Variants in CRYM observed in about 807,000 individuals in gnomAD.
CRYM encodes crystallin mu, also known as ketimine reductase mu-crystallin.
In CRYM, 18 loss-of-function variants were observed where a neutral mutation model predicts 32.9. The ratio of observed to expected loss-of-function variants is 0.55; its 90% CI spans 0.38 to 0.81. CRYM has a LOEUF of 0.81. Ranked by LOEUF, CRYM falls within the 30% of genes least tolerant of loss-of-function variation. The pLI, the probability that CRYM is intolerant of heterozygous loss-of-function variation, is 0.00. For synonymous variants in CRYM, 153 were observed against 152.4 expected (o/e 1.00, Z -0.03); for missense variants, 337 against 393.5 (o/e 0.86, Z 1.21).
intron 1 of CRYM, among the ~76,000 whole-genome samples, chr16:21,287,368 A>T (rs1191423849): frequency 1.3e-5 from 2 of 152,230 alleles, no homozygotes; most frequent in African/African-American, 4.8e-5. Context: ...TTTGGTCTTC[A>T]TCCCTTGTTC....
In CRYM at chr16:21,277,377, G is replaced by C; in HGVS notation, c.324+54C>G. ...CCTGCTGCGGAGAACTTACTTTTGA[G>C]CTTCAATCTGGGCCCAGGGGCCCCA... On this transcript the variant is annotated intron_variant, in intron 2 of 7. Transcript: ENST00000572914. The surrounding 1 kb of genome is among the most constrained non-coding windows in gnomAD (Gnocchi z 4.2). 1.3e-6 allele frequency: 2 copies of C among 1,599,332 alleles called. No homozygotes were observed. Among genetic ancestry groups the C allele is most frequent in the Admixed American group, 1.7e-5 (1 of 59,878 alleles).
chr16:21,267,488 G>A lies in CRYM; in HGVS notation c.673+66C>T, dbSNP rs934155668. ...ATAAACTGGCTCTGCAAATGTAGTC[G>A]ACTGGTCCCGTCTAGAGAGGAGCCT... On this transcript the variant is annotated intron_variant, in intron 5 of 7. Coordinates refer to ENST00000572914, the MANE Select transcript of CRYM (RefSeq NM_001376256.1). The A allele has an allele frequency of 2.7e-5, 41 of 1,529,284 alleles. 1 individual carries two copies. The African/African-American group carries it at 2.9e-4, about 11-fold the overall frequency. 94.7% of individuals were successfully genotyped at this position (1,529,284 alleles called of 1,614,324 possible). A position where few individuals can be genotyped will look rare whatever the true frequency, so the allele number is the denominator to read the frequency against.
At chr16:21,290,234 C>T (rs1009114769) in intron 1 of CRYM, among the ~76,000 whole-genome samples, 11 of 152,194 alleles carry the variant, frequency 7.2e-5, no homozygotes, top group Non-Finnish European at 8.8e-5. Context: ...TTTGGGTCCA[C>T]ACTACCTTTG....
upstream of CRYM, chr16:21,278,384 A>AC (rs71379617): frequency 8.8e-7 from 1 of 1,134,324 alleles, no homozygotes; most frequent in African/African-American, 1.5e-5. Context: ...GGGCGGAGCA[A>AC]CCCCGCCCCG....
intron 1 of CRYM, among the ~76,000 whole-genome samples, chr16:21,286,135 T>C (rs541705563): frequency 6.6e-6 from 1 of 152,312 alleles, no homozygotes; most frequent in South Asian, 2.1e-4. Flanking sequence ...CTGTAGCTGA[T>C]TATAAACCAC....
intron 4 of CRYM, among the ~76,000 whole-genome samples, chr16:21,268,168 T>C (rs1213194210): frequency 6.6e-6 from 1 of 152,292 alleles, no homozygotes; most frequent in East Asian, 1.9e-4. Flanking sequence ...AAAATGGAAA[T>C]ATAACTGGCA....
chr16:21,275,651 GA>G (rs1428564522), intron 2 of CRYM, 57 bp from the exon 3 acceptor site: 5 of 1,379,966 alleles, frequency 3.6e-6, no homozygotes, highest in African/African-American at 2.9e-5. Context: ...GCATAAATTA[GA>G]AGAAACAGTT....
At chr16:21,281,604 C>T (rs1344716020), upstream of CRYM, among the ~76,000 whole-genome samples, 1 of 152,184 alleles carries the variant, frequency 6.6e-6, no homozygotes, top group Non-Finnish European at 1.5e-5. Flanking sequence ...CTTGTTCCAC[C>T]AGCCATAACT....
rs1187088504 is a variant in CRYM, at chr16:21,277,376, A to T, written c.324+55T>A. On this transcript the variant is annotated intron_variant, in intron 2 of 7. Coordinates refer to ENST00000572914, the MANE Select transcript of CRYM (RefSeq NM_001376256.1). The surrounding 1 kb of genome is among the most constrained non-coding windows in gnomAD (Gnocchi z 4.2). ...CCCTGCTGCGGAGAACTTACTTTTG[A>T]GCTTCAATCTGGGCCCAGGGGCCCC... is the stretch of plus-strand genomic sequence containing the variant. 2 of 1,598,816 alleles carry T rather than the reference A, an allele frequency of 1.3e-6. No individual in the cohort carries two copies. The highest frequency in any genetic ancestry group is 1.7e-6 in the Non-Finnish European group (2 of 1,173,792).
At chr16:21,292,973 T>C (rs1960698457) in intron 1 of CRYM, among the ~76,000 whole-genome samples, 1 of 151,916 alleles carries the variant, frequency 6.6e-6, no homozygotes, top group Non-Finnish European at 1.5e-5. Context: ...GATGGATGGA[T>C]TGATGGATGA....
rs2093366430 is a variant in CRYM, at chr16:21,267,556, T to C, written c.671A>G (p.Asn224Ser). ...GEWVKPGAHINAVGASRPDWR... is the reference protein window; with the variant it reads ...GEWVKPGAHISAVGASRPDWR... The stretch of plus-strand genomic sequence containing the variant: ...CCTTATGGAGCCACTCTACTTACCA[T>C]TGATGTGAGCCCCTGGCTTCACCCA... The change falls in exon 5 of 8, where the codon AAT becomes AGT. Residue 224 changes from asparagine (N) to serine (S), a missense_variant and splice_region_variant. Coordinates refer to ENST00000572914, the MANE Select transcript of CRYM (RefSeq NM_001376256.1). The C allele has an allele frequency of 3.1e-6, 5 of 1,613,580 alleles. No homozygotes were observed. The highest frequency in any genetic ancestry group is 1.1e-5 in the South Asian group (1 of 91,030).
chr16:21,280,365 G>GGCC (rs2093396087), upstream of CRYM, among the ~76,000 whole-genome samples: 1 of 152,182 alleles, frequency 6.6e-6, no homozygotes, highest in Admixed American at 6.5e-5. Flanking sequence ...GTGTGACACA[G>GGCC]TAAGACTTTT....
chr16:21,272,816 ATTTTTTTTTTT>A (rs60416570), intron 3 of CRYM, among the ~76,000 whole-genome samples: 4 of 42,292 alleles, frequency 9.5e-5, no homozygotes, highest in South Asian at 2.3e-3. Context: ...TGCCCAGCTA[ATTTTTTTTTTT>A]TTTTTTTTTT....
intron 3 of CRYM, among the ~76,000 whole-genome samples, chr16:21,272,858 G>A (rs1270589256): frequency 8.4e-5 from 10 of 119,466 alleles, no homozygotes; most frequent in Non-Finnish European, 1.2e-4. Flanking sequence ...AGTACAGATG[G>A]GGTTTTTCCA....
At chr16:21,259,155 G>A (rs2093349853) in intron 7 of CRYM, among the ~76,000 whole-genome samples, 1 of 151,210 alleles carries the variant, frequency 6.6e-6, no homozygotes, top group Non-Finnish European at 1.5e-5. Flanking sequence ...CTGAAGTGCA[G>A]TGGCGCGATT....
chr16:21,282,194 T>C (rs927370148), upstream of CRYM, among the ~76,000 whole-genome samples: 8 of 152,236 alleles, frequency 5.3e-5, no homozygotes, highest in African/African-American at 1.9e-4. Context: ...TTGCCCTCCA[T>C]GTAAGATGTG....
intron 1 of CRYM, among the ~76,000 whole-genome samples, chr16:21,294,930 C>T (rs776191833): frequency 4.6e-5 from 7 of 152,116 alleles, no homozygotes; most frequent in African/African-American, 9.6e-5. Context: ...CTCCTGACCT[C>T]GCAATCCACC....
intron 3 of CRYM, among the ~76,000 whole-genome samples, chr16:21,272,485 G>A (rs8049411): frequency 0.32 from 48,068 of 151,866 alleles, 9,059 homozygotes; most frequent in African/African-American, 0.53. Context: ...CTTGCCATAC[G>A]ATGCTAGGCT....
At chr16:21,283,479 CTTTAT>C (rs1159352033) in intron 1 of CRYM, 3 of 151,978 alleles carry the variant, frequency 2.0e-5, no homozygotes, top group Admixed American at 6.5e-5. Context: ...GTATAAAAGT[CTTTAT>C]TTTGACTATT....
Sources: gnomAD v4.1 joint callset for allele counts (sites outside exome capture counted in the v4.1 genomes callset) on GRCh38, gnomAD v4.1.1 for gene constraint, Gnocchi (gnomAD v3.1) non-coding constraint, MANE v1.5 for transcripts, NCBI Gene and HGNC (gene_info 2026-07-23, HGNC 2026-07-21) for gene names.